ARHGEF9: variants seen among roughly 807,000 people sequenced by gnomAD.
The protein encoded by ARHGEF9 is rho guanine nucleotide exchange factor 9.
ARHGEF9 carries 2 observed loss-of-function variants against 41.3 expected under a neutral mutation model. That is an observed-to-expected ratio of 0.05 (90% CI 0.02 to 0.15). The LOEUF (loss-of-function observed/expected upper bound fraction) is 0.15, where lower values mean the gene tolerates loss of function less well. Among genes scored for constraint, ARHGEF9 ranks in the 10% least tolerant of loss-of-function variants. ARHGEF9 has a pLI of 1.00. For synonymous variants in ARHGEF9, 160 were observed against 154.4 expected (o/e 1.04, Z -0.27); for missense variants, 225 against 424.7 (o/e 0.53, Z 4.13).
At chrX:63,692,361 C>CA (rs782064834) in intron 4 of ARHGEF9, among the ~76,000 whole-genome samples, 2 of 111,442 alleles carry the variant, frequency 1.8e-5, no homozygotes, top group African/African-American at 3.3e-5. Context: ...AACTCAATAG[C>CA]AAAAAAACAC....
At chrX:63,721,326 T>G (rs191799577) in intron 2 of ARHGEF9, among the ~76,000 whole-genome samples, 65 of 110,802 alleles carry the variant, frequency 5.9e-4, no homozygotes, top group African/African-American at 2.0e-3. Context: ...GATCCTTTCA[T>G]CTCCATACTT....
At chrX:63,652,563 C>T (rs1280607151) in intron 8 of ARHGEF9, among the ~76,000 whole-genome samples, 1 of 110,968 alleles carries the variant, frequency 9.0e-6, no homozygotes, top group African/African-American at 3.3e-5. Context: ...ACCAATATCC[C>T]GTGCATACCA....
At chrX:63,681,628 T>TA (rs1162382129) in intron 4 of ARHGEF9, among the ~76,000 whole-genome samples, 7 of 110,181 alleles carry the variant, frequency 6.4e-5, no homozygotes, top group Admixed American at 2.9e-4. Flanking sequence ...TTGATAGCAT[T>TA]AAAAAAAATC....
chrX:63,657,585 T>A (rs1569444414), intron 7 of ARHGEF9: 1 of 111,801 alleles, frequency 8.9e-6, no homozygotes, highest in African/African-American at 3.3e-5. Context: ...GTCCCCAGGA[T>A]CAAGTTCACA....
intron 1 of ARHGEF9, chrX:63,755,189 G>A: frequency 1.1e-6 from 1 of 938,708 alleles, no homozygotes; most frequent in East Asian, 4.2e-5. Context: ...GTGAGGCGCG[G>A]CCAGAGCCAC....
intron 1 of ARHGEF9, among the ~76,000 whole-genome samples, chrX:63,748,359 T>A (rs1464918759): frequency 9.0e-6 from 1 of 111,559 alleles, no homozygotes; most frequent in Admixed American, 9.5e-5. Flanking sequence ...AGAAAAAAAA[T>A]AAAAACCTCC....
chrX:63,689,406 T>C (rs1367577595), intron 4 of ARHGEF9, among the ~76,000 whole-genome samples: 10 of 112,114 alleles, frequency 8.9e-5, no homozygotes, highest in Non-Finnish European at 1.9e-5. Context: ...ACAAAGAATG[T>C]CATTATATAA....
At chrX:63,687,140 C>G (rs1413709555) in intron 4 of ARHGEF9, among the ~76,000 whole-genome samples, 1 of 111,660 alleles carries the variant, frequency 9.0e-6, no homozygotes, top group African/African-American at 3.3e-5. Flanking sequence ...ATCAGAAAGG[C>G]TGTTTAACAG....
intron 8 of ARHGEF9, among the ~76,000 whole-genome samples, chrX:63,654,159 CAAA>C (rs782760710): frequency 1.1e-5 from 1 of 90,191 alleles, no homozygotes. Context: ...ATTATCAAAC[CAAA>C]AAAAAAAAAC....
chrX:63,729,140 G>T (rs2054139900), intron 1 of ARHGEF9, among the ~76,000 whole-genome samples: 1 of 111,863 alleles, frequency 8.9e-6, no homozygotes, highest in Admixed American at 9.5e-5. Flanking sequence ...TGCAAAAGAA[G>T]TGATGACAAA....
At chrX:63,705,995 T>C (rs1375937269) in intron 3 of ARHGEF9, among the ~76,000 whole-genome samples, 2 of 110,763 alleles carry the variant, frequency 1.8e-5, no homozygotes, top group Non-Finnish European at 3.8e-5. Flanking sequence ...GGAGGAAGAC[T>C]AAGAAAGGGT....
intron 1 of ARHGEF9, among the ~76,000 whole-genome samples, chrX:63,752,448 A>G (rs1556442292): frequency 8.9e-6 from 1 of 112,050 alleles, no homozygotes; most frequent in Non-Finnish European, 1.9e-5. Context: ...CACTGTATCA[A>G]AACAAAGTGC....
rs1188507503 is a variant in ARHGEF9, at chrX:63,638,014, C to T, written c.*14G>A. ...ATTTACTTTATTTTAAAATTATCTG[C>T]CTCCCTGTAGGTATCATTTTTTGAA... is the stretch of plus-strand genomic sequence containing the variant. On this transcript the variant is annotated 3_prime_UTR_variant, in exon 10 of 10. Transcript: ENST00000671741. 8.4e-7 allele frequency: 1 copy of T among 1,189,717 alleles called. No individual in the cohort carries two copies. Among genetic ancestry groups the T allele is most frequent in the Non-Finnish European group, 1.1e-6 (1 of 885,735 alleles).
intron 1 of ARHGEF9, among the ~76,000 whole-genome samples, chrX:63,743,144 A>G (rs1351044995): frequency 8.9e-6 from 1 of 111,752 alleles, no homozygotes; most frequent in East Asian, 2.8e-4. Flanking sequence ...CGGAGGTTGC[A>G]GTGAGCTGAG....
intron 8 of ARHGEF9, among the ~76,000 whole-genome samples, chrX:63,646,313 G>A (rs1556314312): frequency 8.9e-6 from 1 of 112,087 alleles, no homozygotes; most frequent in Non-Finnish European, 1.9e-5. Context: ...CCATGCGTAT[G>A]TCCCGAATGA....
chrX:63,691,324 G>A (rs1340066649), intron 4 of ARHGEF9, among the ~76,000 whole-genome samples: 2 of 110,449 alleles, frequency 1.8e-5, no homozygotes, highest in Non-Finnish European at 3.8e-5. Context: ...CAAAAAGCAG[G>A]TGCACTTCTG....
At chrX:63,720,642 C>T (rs1259952959) in intron 2 of ARHGEF9, among the ~76,000 whole-genome samples, 3 of 112,048 alleles carry the variant, frequency 2.7e-5, no homozygotes, top group Non-Finnish European at 5.6e-5. Context: ...CAAGTCCTGG[C>T]TTTGCCACTA....
At chrX:63,729,935 A>T (rs2054183534) in intron 1 of ARHGEF9, among the ~76,000 whole-genome samples, 1 of 112,487 alleles carries the variant, frequency 8.9e-6, no homozygotes, top group Non-Finnish European at 1.9e-5. Context: ...TTCCGAAGAC[A>T]ATCCTAATAT....
At chrX:63,701,223 G>A (rs1556395213) in intron 3 of ARHGEF9, among the ~76,000 whole-genome samples, 2 of 110,944 alleles carry the variant, frequency 1.8e-5, no homozygotes, top group African/African-American at 6.6e-5. Context: ...TGGATCATCT[G>A]GGGTTTAGGA....
Sources: allele counts gnomAD v4.1 joint callset (sites outside exome capture counted in the v4.1 genomes callset), GRCh38; gene constraint gnomAD v4.1.1; transcripts MANE v1.5; gene names NCBI Gene and HGNC (gene_info 2026-07-23, HGNC 2026-07-21).